The following NBEA variants were observed in gnomAD, a reference collection of about 807,000 sequenced individuals.
NBEA encodes the protein neurobeachin.
A neutral mutation model predicts 343.4 loss-of-function variants in NBEA; 44 were observed. The observed-to-expected ratio is 0.13, with a 90% CI of 0.10 to 0.16. The LOEUF (loss-of-function observed/expected upper bound fraction) is 0.16. Ranked by LOEUF, NBEA falls within the 10% of genes least tolerant of loss-of-function variation. The pLI, the probability that NBEA is intolerant of heterozygous loss-of-function variation, is 1.00. For missense variants in NBEA, 2,555 were observed against 3,631.3 expected, an observed-to-expected ratio of 0.70 and a Z score of 7.62; for synonymous variants, 1,175 against 1,238.7, an observed-to-expected ratio of 0.95 and a Z score of 1.08.
intron 35 of NBEA, among the ~76,000 whole-genome samples, chr13:35,307,074 A>G (rs1024148270): frequency 8.5e-5 from 13 of 152,082 alleles, no homozygotes; most frequent in African/African-American, 3.1e-4. Context: ...TCATAATAAT[A>G]TTACCATTAT....
intron 1 of NBEA, among the ~76,000 whole-genome samples, chr13:34,970,838 A>G (rs1000656352): frequency 1.3e-5 from 2 of 152,090 alleles, no homozygotes; most frequent in Non-Finnish European, 2.9e-5. Context: ...TTTGCTTAGG[A>G]TTGCTCTGGC....
chr13:35,265,528 T>C (rs184340386), intron 34 of NBEA, among the ~76,000 whole-genome samples: 44 of 151,766 alleles, frequency 2.9e-4, no homozygotes, highest in Admixed American at 1.3e-3. Flanking sequence ...TACATACCAA[T>C]AGGATAGAAA....
chr13:35,108,761 T>C (rs1484277172), intron 11 of NBEA, among the ~76,000 whole-genome samples: 1 of 152,062 alleles, frequency 6.6e-6, no homozygotes, highest in Admixed American at 6.6e-5. Context: ...GTGATAGTAG[T>C]TGAAAATTCT....
chr13:35,036,027 T>C (rs2062429931), intron 1 of NBEA, among the ~76,000 whole-genome samples: 1 of 151,968 alleles, frequency 6.6e-6, no homozygotes, highest in Non-Finnish European at 1.5e-5. Context: ...TATTATTAAG[T>C]AAGGATGTAC....
intron 1 of NBEA, among the ~76,000 whole-genome samples, chr13:35,016,037 A>G (rs2061646029): frequency 6.6e-6 from 1 of 152,198 alleles, no homozygotes; most frequent in Non-Finnish European, 1.5e-5. Context: ...AATAACTAGA[A>G]TAAAGTTATG....
chr13:35,483,535 G>T (rs2076197183), intron 41 of NBEA, among the ~76,000 whole-genome samples: 1 of 151,946 alleles, frequency 6.6e-6, no homozygotes, highest in African/African-American at 2.4e-5. Flanking sequence ...TTATGTAAAT[G>T]TAGATGGTTA....
intron 34 of NBEA, among the ~76,000 whole-genome samples, chr13:35,241,513 T>G (rs1417251025): frequency 6.6e-6 from 1 of 151,758 alleles, no homozygotes; most frequent in Non-Finnish European, 1.5e-5. Context: ...TTATGTAAAC[T>G]AGATACAAAA....
chr13:35,434,649 CT>C (rs2045322538), intron 39 of NBEA, among the ~76,000 whole-genome samples: 1 of 152,122 alleles, frequency 6.6e-6, no homozygotes, highest in Admixed American at 6.5e-5. Context: ...AGTCTATGGA[CT>C]TTAGGACTGA....
intron 38 of NBEA, among the ~76,000 whole-genome samples, chr13:35,372,910 C>G (rs141223432): frequency 3.9e-5 from 6 of 152,182 alleles, no homozygotes; most frequent in African/African-American, 1.2e-4. Context: ...CAAAATGGTG[C>G]CTTGATGTAG....
chr13:35,617,561 G>A (rs2082788828), intron 48 of NBEA, among the ~76,000 whole-genome samples: 1 of 152,166 alleles, frequency 6.6e-6, no homozygotes, highest in African/African-American at 2.4e-5. Context: ...TAGAGCTAAA[G>A]GAAAAGCCCA....
intron 1 of NBEA, among the ~76,000 whole-genome samples, chr13:34,948,565 T>C (rs1463752343): frequency 2.6e-5 from 4 of 152,194 alleles, no homozygotes; most frequent in African/African-American, 9.7e-5. Flanking sequence ...TCAGTGTAAG[T>C]TGGGTTTTTT....
chr13:35,085,187 T>G (rs1209100442), intron 10 of NBEA, among the ~76,000 whole-genome samples: 2 of 152,140 alleles, frequency 1.3e-5, no homozygotes, highest in Non-Finnish European at 2.9e-5. Flanking sequence ...CTTCTGAAAC[T>G]ATTCCAATCA....
chr13:35,215,053 T>G (rs943066763), intron 33 of NBEA, among the ~76,000 whole-genome samples: 5 of 151,614 alleles, frequency 3.3e-5, no homozygotes, highest in Non-Finnish European at 7.4e-5. Context: ...TATCGTAGCT[T>G]TATATTAAGT....
chr13:35,204,410 G>A (rs1171555192), intron 31 of NBEA, among the ~76,000 whole-genome samples: 1 of 152,092 alleles, frequency 6.6e-6, no homozygotes, highest in African/African-American at 2.4e-5. Context: ...GTGGTAGCAA[G>A]AGAAAATGAA....
intron 31 of NBEA, among the ~76,000 whole-genome samples, chr13:35,199,967 A>C (rs1229196137): frequency 1.3e-5 from 2 of 152,066 alleles, no homozygotes; most frequent in African/African-American, 4.8e-5. Context: ...GTACTCATGA[A>C]GTATTAAAAT....
chr13:35,522,624 G>A lies in NBEA; in HGVS notation c.6586-27853G>A, dbSNP rs117860861. On this transcript the variant is annotated intron_variant, in intron 41 of 58. Coordinates refer to ENST00000379939, the MANE Select transcript of NBEA (RefSeq NM_001385012.1). ...TCCCCTGCGACGGTACCAGTCTATG[G>A]CCTTTTAGGAACCAGGGCACCCAGC... 7.1e-3 allele frequency among the ~76,000 whole-genome samples: 1,075 copies of A among 152,148 alleles called. 17 individuals carry two copies. Among genetic ancestry groups the A allele is most frequent in the East Asian group, 0.064 (331 of 5,164 alleles).
chr13:35,122,425 A>G (rs2066853276), intron 16 of NBEA, among the ~76,000 whole-genome samples: 1 of 152,064 alleles, frequency 6.6e-6, no homozygotes, highest in Non-Finnish European at 1.5e-5. Context: ...TTGTAGGGAC[A>G]TGGATGAAGC....
chr13:35,270,876 A>G (rs1438020665), intron 34 of NBEA, among the ~76,000 whole-genome samples: 4 of 152,234 alleles, frequency 2.6e-5, no homozygotes, highest in African/African-American at 9.6e-5. Context: ...ACCACAGCCC[A>G]GCAAGGCCTA....
chr13:35,654,739 A>G (rs1593485187), intron 53 of NBEA, 116 bp from the exon 54 acceptor site: 2 of 767,474 alleles, frequency 2.6e-6, no homozygotes, highest in Non-Finnish European at 4.0e-6. Context: ...ATCTCATACC[A>G]TTAAAAAAAC....
Sources: gnomAD v4.1 joint callset for allele counts (sites outside exome capture counted in the v4.1 genomes callset) on GRCh38, gnomAD v4.1.1 for gene constraint, MANE v1.5 for transcripts, NCBI Gene and HGNC (gene_info 2026-07-23, HGNC 2026-07-21) for gene names.